CASP6: variants seen among roughly 807,000 people sequenced by gnomAD.
CASP6 encodes the protein caspase-6.
A neutral mutation model predicts 31.8 loss-of-function variants in CASP6; 20 were observed. The ratio of observed to expected loss-of-function variants is 0.63; its 90% confidence interval spans 0.44 to 0.91. The LOEUF is 0.91. Ranked by LOEUF, CASP6 falls within the 40% of genes least tolerant of loss-of-function variation. The pLI, the probability that CASP6 is intolerant of heterozygous loss-of-function variation, is 0.00. For missense variants in CASP6, 328 were observed against 361.1 expected (o/e 0.91, Z 0.74); for synonymous variants, 130 against 127.8 (o/e 1.02, Z -0.12).
chr4:109,700,261 G>C (rs1730377902), intron 1 of CASP6, among the ~76,000 whole-genome samples: 1 of 152,210 alleles, frequency 6.6e-6, no homozygotes. Context: ...AATAACTTAA[G>C]ATGTGAGTTT....
chr4:109,705,991 AAAAAAAAAAAAT>A (rs1730589869), upstream of CASP6, among the ~76,000 whole-genome samples: 2 of 68,696 alleles, frequency 2.9e-5, no homozygotes, highest in East Asian at 3.7e-4. Flanking sequence ...AAAAAAAAAA[AAAAAAAAAAAAT>A]ATATATATAT....
chr4:109,703,277 G>A (rs908978006), intron 1 of CASP6, 79 bp downstream of exon 1: 7 of 1,504,918 alleles, frequency 4.7e-6, no homozygotes, highest in Non-Finnish European at 4.5e-6. Flanking sequence ...CCGCGCGCCC[G>A]GTCCACTAAC....
At chr4:109,698,380 C>T (rs1397663044) in intron 1 of CASP6, 38 bp from the exon 2 acceptor site, 2 of 1,563,914 alleles carry the variant, frequency 1.3e-6, no homozygotes, top group Non-Finnish European at 1.8e-6. Flanking sequence ...TTATTTTTTA[C>T]TTATGGCAGT....
At chr4:109,666,718 A>G in the CASP6 span, among the ~76,000 whole-genome samples, 2 of 152,136 alleles carry the variant, frequency 1.3e-5, no homozygotes, top group Non-Finnish European at 2.9e-5. Context: ...ATTTTCTCCC[A>G]GGCTATGGCT....
At chr4:109,707,613 C>T (rs138844517), upstream of CASP6, among the ~76,000 whole-genome samples, 149 of 152,038 alleles carry the variant, frequency 9.8e-4, no homozygotes, top group African/African-American at 3.2e-3. Context: ...ATCAAACTCC[C>T]GACCTGGTAT....
chr4:109,678,142 A>G, the CASP6 span, among the ~76,000 whole-genome samples: 2 of 152,100 alleles, frequency 1.3e-5, no homozygotes, highest in African/African-American at 4.8e-5. Flanking sequence ...GGGTAAGGTT[A>G]TAGATTAACA....
upstream of CASP6, among the ~76,000 whole-genome samples, chr4:109,705,016 T>A (rs1730554775): frequency 6.6e-6 from 1 of 152,040 alleles, no homozygotes; most frequent in South Asian, 2.1e-4. Context: ...AAACAACAGA[T>A]CTTAAATGTA....
intron 5 of CASP6, among the ~76,000 whole-genome samples, chr4:109,693,797 G>A (rs1369427742): frequency 6.6e-6 from 1 of 150,808 alleles, no homozygotes; most frequent in East Asian, 2.0e-4. Context: ...GGAGTGCAGT[G>A]GTATGCTCTC....
At chr4:109,698,741 T>C (rs540277878) in intron 1 of CASP6, among the ~76,000 whole-genome samples, 43 of 152,314 alleles carry the variant, frequency 2.8e-4, no homozygotes, top group Middle Eastern at 6.8e-3. Context: ...AACTGAAATA[T>C]AGTTTGTGGT....
chr4:109,664,390 GA>G, the CASP6 span: 11 of 1,282,796 alleles, frequency 8.6e-6, no homozygotes, highest in Non-Finnish European at 1.2e-5. Flanking sequence ...AGTGTCCAAA[GA>G]GAGGTAAGAA....
the CASP6 span, among the ~76,000 whole-genome samples, chr4:109,670,880 G>A: frequency 2.6e-5 from 4 of 151,962 alleles, no homozygotes; most frequent in African/African-American, 9.7e-5. Flanking sequence ...GTGGGAATGC[G>A]CCCACCTATG....
chr4:109,697,936 A>C (rs559043420), intron 2 of CASP6, among the ~76,000 whole-genome samples, 168 bp from the exon 3 acceptor site: 5 of 152,294 alleles, frequency 3.3e-5, no homozygotes, highest in Middle Eastern at 6.8e-3. Context: ...GTCCTGAAAT[A>C]TCTCTCTGCC....
intron 6 of CASP6, among the ~76,000 whole-genome samples, chr4:109,690,197 A>ACT (rs1488747250): frequency 7.1e-6 from 1 of 140,894 alleles, no homozygotes; most frequent in Admixed American, 7.1e-5. Flanking sequence ...AAAAAAAAAT[A>ACT]CACACACACA....
intron 5 of CASP6, among the ~76,000 whole-genome samples, chr4:109,693,220 C>T (rs1730130635): frequency 6.6e-6 from 1 of 152,216 alleles, no homozygotes; most frequent in Non-Finnish European, 1.5e-5. Flanking sequence ...ACCATGCTTC[C>T]TGTACAGCCT....
downstream of CASP6, among the ~76,000 whole-genome samples, chr4:109,686,780 G>T (rs1000377130): frequency 6.6e-6 from 1 of 152,136 alleles, no homozygotes; most frequent in Non-Finnish European, 1.5e-5. Context: ...GGAAGCTGAA[G>T]CAGGAAGATC....
chr4:109,668,302 CAT>C, the CASP6 span, among the ~76,000 whole-genome samples: 1 of 151,972 alleles, frequency 6.6e-6, no homozygotes, highest in African/African-American at 2.4e-5. Context: ...TGTTTTGCCT[CAT>C]GTAGTTTGAT....
At chr4:109,704,857 C>T, upstream of CASP6, among the ~76,000 whole-genome samples, 1 of 152,120 alleles carries the variant, frequency 6.6e-6, no homozygotes, top group Admixed American at 6.5e-5. Flanking sequence ...GGATGTGCCA[C>T]CATGTCCAGG....
At chr4:109,681,889 G>T in the CASP6 span, among the ~76,000 whole-genome samples, 1 of 152,242 alleles carries the variant, frequency 6.6e-6, no homozygotes, top group Non-Finnish European at 1.5e-5. Context: ...AGATTTAATA[G>T]TGTGAAATAG....
At chr4:109,671,092 T>G in the CASP6 span, among the ~76,000 whole-genome samples, 1 of 152,266 alleles carries the variant, frequency 6.6e-6, no homozygotes, top group Non-Finnish European at 1.5e-5. Context: ...TAACCTTAGT[T>G]TTCTTATGCA....
Sources: allele counts gnomAD v4.1 joint callset (sites outside exome capture counted in the v4.1 genomes callset), GRCh38; gene constraint gnomAD v4.1.1; transcripts MANE v1.5; gene names NCBI Gene and HGNC (gene_info 2026-07-23, HGNC 2026-07-21).